The following RPS6KC1 variants were observed in gnomAD, a reference collection of about 807,000 sequenced individuals.
RPS6KC1 encodes the protein inactive ribosomal protein S6 kinase delta-1.
RPS6KC1 carries 54 observed loss-of-function variants against 103.8 expected under a neutral mutation model. The ratio of observed to expected loss-of-function variants is 0.52; its 90% CI spans 0.42 to 0.65. The LOEUF is 0.65. Among genes scored for constraint, RPS6KC1 ranks in the 30% least tolerant of loss-of-function variants. The pLI, the probability that RPS6KC1 is intolerant of heterozygous loss-of-function variation, is 0.00. For missense variants in RPS6KC1, 1,151 were observed against 1,253.8 expected (o/e 0.92, Z 1.24); for synonymous variants, 439 against 438.7 (o/e 1.00, Z -0.01).
the RPS6KC1 span, among the ~76,000 whole-genome samples, chr1:213,782,714 T>C: frequency 1.3e-5 from 2 of 151,916 alleles, no homozygotes; most frequent in African/African-American, 2.4e-5. Context: ...AAGAAGGACA[T>C]GCACAAAAGC....
At chr1:213,574,109 C>G in the RPS6KC1 span, among the ~76,000 whole-genome samples, 1 of 152,228 alleles carries the variant, frequency 6.6e-6, no homozygotes, top group Non-Finnish European at 1.5e-5. Context: ...GTGGCAGAAA[C>G]AGGGCAAGTT....
intron 3 of RPS6KC1, among the ~76,000 whole-genome samples, chr1:213,094,483 T>G (rs74140564): frequency 0.014 from 2,202 of 152,258 alleles, 46 homozygotes; most frequent in African/African-American, 0.05. Context: ...AACACTGACA[T>G]TTTTAAAGAA....
At chr1:213,156,201 C>T (rs1032766971) in intron 6 of RPS6KC1, among the ~76,000 whole-genome samples, 2 of 152,036 alleles carry the variant, frequency 1.3e-5, no homozygotes, top group African/African-American at 4.8e-5. Flanking sequence ...TAGGTAGCAT[C>T]CACAGTGTCA....
At chr1:213,418,459 C>T in the RPS6KC1 span, among the ~76,000 whole-genome samples, 1 of 152,046 alleles carries the variant, frequency 6.6e-6, no homozygotes, top group Non-Finnish European at 1.5e-5. Flanking sequence ...CCTGCTAGAC[C>T]CACCCTGAGC....
the RPS6KC1 span, among the ~76,000 whole-genome samples, chr1:213,496,591 C>T: frequency 1.3e-5 from 2 of 152,094 alleles, no homozygotes; most frequent in Non-Finnish European, 2.9e-5. Context: ...AACCCCGTCT[C>T]TACTAAAAAT....
Position 213,129,593 on chromosome 1 carries a change from A to T in RPS6KC1, c.539A>T (p.Asp180Val). 1 of 1,613,920 alleles carries T rather than the reference A, an allele frequency of 6.2e-7. No individual in the cohort carries two copies. The highest frequency in any genetic ancestry group is 8.5e-7 in the Non-Finnish European group (1 of 1,179,854). Reference sequence around the variant, plus strand: ...GTGGATTCTCTTGCTGAGTTAGATGATGGAATGGCTTCCAATCAAAATTCT... The same window carrying T: ...GTGGATTCTCTTGCTGAGTTAGATGTTGGAATGGCTTCCAATCAAAATTCT... ...VDVDSLAELD[D>V]GMASNQNSPI... Residue 180 changes from aspartate to valine, a missense_variant, in exon 6 of 15, where the codon GAT becomes GTT. Coordinates refer to ENST00000366960, the MANE Select transcript of RPS6KC1 (RefSeq NM_012424.6).
At chr1:213,361,493 C>A in the RPS6KC1 span, among the ~76,000 whole-genome samples, 9 of 152,248 alleles carry the variant, frequency 5.9e-5, no homozygotes, top group African/African-American at 2.2e-4. Context: ...TTCCCTGACC[C>A]CTTGCAGTTC....
chr1:213,411,141 G>A, the RPS6KC1 span, among the ~76,000 whole-genome samples: 1 of 152,180 alleles, frequency 6.6e-6, no homozygotes, highest in Admixed American at 6.5e-5. Flanking sequence ...TTTCCACCCT[G>A]CTCATTCACT....
intron 3 of RPS6KC1, among the ~76,000 whole-genome samples, chr1:213,085,790 T>G (rs576856778): frequency 4.6e-5 from 7 of 152,230 alleles, no homozygotes; most frequent in African/African-American, 1.4e-4. Flanking sequence ...CTCACATATC[T>G]TTTTTTTCTA....
chr1:213,681,091 T>C, the RPS6KC1 span, among the ~76,000 whole-genome samples: 2 of 152,212 alleles, frequency 1.3e-5, no homozygotes, highest in African/African-American at 2.4e-5. Context: ...GCTGCTCCTC[T>C]GATGTTCCAG....
chr1:213,806,294 T>A, the RPS6KC1 span, among the ~76,000 whole-genome samples: 1 of 152,118 alleles, frequency 6.6e-6, no homozygotes, highest in South Asian at 2.1e-4. Flanking sequence ...ATCGCACCAC[T>A]GTACTCCAGC....
chr1:213,206,647 C>T (rs977347660), intron 8 of RPS6KC1, among the ~76,000 whole-genome samples: 6 of 152,100 alleles, frequency 3.9e-5, no homozygotes, highest in South Asian at 2.1e-4. Flanking sequence ...GTCTAAATAC[C>T]GCCCTTCTCC....
intron 6 of RPS6KC1, among the ~76,000 whole-genome samples, chr1:213,151,467 G>A (rs1278982199): frequency 5.2e-5 from 7 of 135,204 alleles, no homozygotes; most frequent in East Asian, 2.4e-4. Context: ...CTGGCCGGGC[G>A]GGGGGCTGAC....
At chr1:213,196,857 A>G (rs1219203648) in intron 8 of RPS6KC1, among the ~76,000 whole-genome samples, 1 of 151,810 alleles carries the variant, frequency 6.6e-6, no homozygotes, top group Non-Finnish European at 1.5e-5. Context: ...TTGTTTTGAG[A>G]TGGAATTTTG....
At chr1:213,166,619 T>TC (rs1407286016) in intron 6 of RPS6KC1, among the ~76,000 whole-genome samples, 3 of 151,912 alleles carry the variant, frequency 2.0e-5, no homozygotes, top group Admixed American at 6.6e-5. Flanking sequence ...ATAGAAATTT[T>TC]CCCCCCACCA....
the RPS6KC1 span, among the ~76,000 whole-genome samples, chr1:213,757,775 A>G: frequency 6.6e-6 from 1 of 152,192 alleles, no homozygotes; most frequent in African/African-American, 2.4e-5. Context: ...ACCTGGCTTC[A>G]AAGCTTCAAA....
the RPS6KC1 span, chr1:213,821,281 C>G: frequency 1.3e-5 from 2 of 152,320 alleles, no homozygotes; most frequent in Non-Finnish European, 2.9e-5. Context: ...TGAGGAATGA[C>G]TAAGCAATGA....
chr1:213,078,003 AC>A (rs1164027853), intron 3 of RPS6KC1, among the ~76,000 whole-genome samples, 187 bp downstream of exon 3: 3 of 152,074 alleles, frequency 2.0e-5, no homozygotes, highest in Non-Finnish European at 4.4e-5. Context: ...GAATATATTT[AC>A]TCTTCCTATC....
chr1:213,104,446 A>G lies in RPS6KC1; in HGVS notation c.263-8A>G. The G allele has an allele frequency of 6.4e-7, 1 of 1,570,420 alleles. No individual in the cohort carries two copies. The highest frequency in any genetic ancestry group is 8.8e-7 in the Non-Finnish European group (1 of 1,142,446). ...TTCCCTTAAGTGTTGATTCTTATTTAATTGTAGGGCGATTTGATGAAACTG... is the reference window on the plus strand; with the variant it reads ...TTCCCTTAAGTGTTGATTCTTATTTGATTGTAGGGCGATTTGATGAAACTG... On this transcript the variant is annotated splice_polypyrimidine_tract_variant and splice_region_variant and intron_variant, in intron 3 of 14. Transcript: ENST00000366960.
Sources: gnomAD v4.1 joint callset for allele counts (sites outside exome capture counted in the v4.1 genomes callset) on GRCh38, gnomAD v4.1.1 for gene constraint, MANE v1.5 for transcripts, NCBI Gene and HGNC (gene_info 2026-07-23, HGNC 2026-07-21) for gene names.